Variants in CSNK1E observed in about 807,000 individuals in gnomAD.
The protein encoded by CSNK1E is casein kinase 1 epsilon.
A neutral mutation model predicts 46.1 loss-of-function variants in CSNK1E; 17 were observed. The ratio of observed to expected loss-of-function variants is 0.37; its 90% CI spans 0.25 to 0.55. CSNK1E has a LOEUF of 0.55. CSNK1E is among the 20% of genes least tolerant of loss of function. The probability of loss-of-function intolerance (pLI) is 0.82; values close to 1 mark genes in which losing one functional copy is unlikely to be tolerated. For missense variants in CSNK1E, 386 were observed against 595.4 expected (o/e 0.65, Z 3.66); for synonymous variants, 241 against 242.6 (o/e 0.99, Z 0.06).
Position 38,298,038 on chromosome 22 carries a change from G to C in CSNK1E, c.885+748C>G. 2 of 1,173,648 alleles carry C rather than the reference G, an allele frequency of 1.7e-6. No homozygotes were observed. The highest frequency in any genetic ancestry group is 3.2e-5 in the South Asian group (2 of 62,296). 72.7% of individuals were successfully genotyped at this position (1,173,648 alleles called of 1,614,324 possible). A position where few individuals can be genotyped will look rare whatever the true frequency, so the allele number is the denominator to read the frequency against. ...AAGCACAGCTGAGGCTCAGCCTCTT[G>C]CGCTCACTGGTCAAGTGGCAAATTT... On this transcript the variant is annotated intron_variant, in intron 7 of 10. Transcript: ENST00000396832. This position sits in a 1 kb window ranked among gnomAD's most constrained non-coding sequence, Gnocchi z 4.2.
chr22:38,313,774 C>T (rs549635148), intron 2 of CSNK1E, among the ~76,000 whole-genome samples: 44 of 152,324 alleles, frequency 2.9e-4, no homozygotes, highest in Middle Eastern at 3.4e-3. Flanking sequence ...ATGTGAACCC[C>T]GCCTGGGTTT....
chr22:38,299,510 A>C (rs1294321771), intron 6 of CSNK1E, among the ~76,000 whole-genome samples: 1 of 152,222 alleles, frequency 6.6e-6, no homozygotes, highest in African/African-American at 2.4e-5. Context: ...GCTGTGGGGC[A>C]GCCCAGTGTG....
rs148776215 is a variant in CSNK1E at position 38,300,941 on chromosome 22, G to C, written c.348C>G (p.Ile116Met). 1.9e-6 allele frequency: 3 copies of C among 1,614,050 alleles called. No individual in the cohort carries two copies. Among genetic ancestry groups the C allele is most frequent in the Non-Finnish European group, 2.5e-6 (3 of 1,179,930 alleles). ...LLLADQMISR[I>M]EYIHSKNFIH... is the part of the protein sequence containing the mutation. ...TGAAGTTCTTGGAGTGGATATACTC[G>C]ATGCGGCTGATCTGGGGAGGAGGGG... The change falls in exon 5 of 11, where the codon ATC becomes ATG. Residue 116 changes from isoleucine (I) to methionine (M), a missense_variant. Physicochemically the swap from Ile to Met is conservative, Grantham distance 10. This residue lies in a region of CSNK1E where 212 missense variants were observed against 410.2 expected (regional missense o/e 0.52). Transcript: ENST00000396832. This position sits in a 1 kb window ranked among gnomAD's most constrained non-coding sequence, Gnocchi z 4.4.
At chr22:38,301,017 G>C (rs1162196272) in intron 4 of CSNK1E, 65 bp from the exon 5 acceptor site, 3 of 1,385,750 alleles carry the variant, frequency 2.2e-6, no homozygotes, top group Non-Finnish European at 3.1e-6. Flanking sequence ...GGCCAGGCAG[G>C]GGCTGGGGCC....
At position 38,296,593 on chromosome 22, in the gene CSNK1E, C is replaced by A. The variant is rs182631203; in HGVS notation, c.886-2059G>T. 3 of 1,612,832 alleles carry A rather than the reference C, an allele frequency of 1.9e-6. No individual in the cohort carries two copies. The African/African-American group carries it at 4.0e-5, about 21-fold the overall frequency. ...TTGGCAAAGGATAAGGCTGTGGGTG[C>A]CTCTGCCCAGCTTCTAACTCCAGGG... On this transcript the variant is annotated intron_variant, in intron 7 of 10. Transcript: ENST00000396832.
At chr22:38,293,411 G>C (rs1266728212) in intron 9 of CSNK1E, 92 bp from the exon 10 acceptor site, 1 of 808,394 alleles carries the variant, frequency 1.2e-6, no homozygotes, top group African/African-American at 1.7e-5. Context: ...ATAGAGATTT[G>C]GCAAGTCTCT....
intron 10 of CSNK1E, chr22:38,292,362 T>C (rs1286540691): frequency 6.6e-6 from 1 of 152,142 alleles, no homozygotes; most frequent in Non-Finnish European, 1.5e-5. Context: ...CCCAGCACGC[T>C]AGGAGATCCA....
At chr22:38,313,815 C>T (rs1283752858) in intron 2 of CSNK1E, among the ~76,000 whole-genome samples, 2 of 152,190 alleles carry the variant, frequency 1.3e-5, no homozygotes, top group African/African-American at 2.4e-5. Context: ...CCAGCTGACC[C>T]GGGACACTGA....
Position 38,300,664 on chromosome 22 carries a change from G to C in CSNK1E, c.565+60C>G. 1 of 1,532,790 alleles carries C rather than the reference G, an allele frequency of 6.5e-7. No individual in the cohort carries two copies. The highest frequency in any genetic ancestry group is 9.0e-7 in the Non-Finnish European group (1 of 1,113,748). 94.9% of individuals were successfully genotyped at this position (1,532,790 alleles called of 1,614,324 possible). ...CAGGGTAGGGGGTGAGAGGGCTCCA[G>C]AGAGCTGGGCCCCAGCCAGTGGCCC... On this transcript the variant is annotated intron_variant, in intron 5 of 10. Coordinates refer to ENST00000396832, the MANE Select transcript of CSNK1E (RefSeq NM_152221.3). The surrounding 1 kb of genome is among the most constrained non-coding windows in gnomAD (Gnocchi z 4.4).
chr22:38,305,868 C>A (rs995987406), intron 2 of CSNK1E, among the ~76,000 whole-genome samples: 1 of 152,206 alleles, frequency 6.6e-6, no homozygotes, highest in East Asian at 1.9e-4. Context: ...GGGGATTTGA[C>A]GCTACTCAGC....
At chr22:38,297,557 T>C in intron 7 of CSNK1E, 1 of 1,007,386 alleles carries the variant, frequency 9.9e-7, no homozygotes, top group Non-Finnish European at 1.2e-6. Flanking sequence ...CCTAACCATC[T>C]AGCAGGGTGG....
chr22:38,313,437 C>T (rs928098088), intron 2 of CSNK1E, among the ~76,000 whole-genome samples: 4 of 152,256 alleles, frequency 2.6e-5, no homozygotes, highest in African/African-American at 9.6e-5. Flanking sequence ...AGAAGTGGCA[C>T]TGAAAGGCGC....
chr22:38,316,084 T>C (rs889640993), intron 1 of CSNK1E, among the ~76,000 whole-genome samples: 2 of 151,060 alleles, frequency 1.3e-5, no homozygotes, highest in Non-Finnish European at 2.9e-5. Flanking sequence ...TTCAGTTCTT[T>C]TGCTGCTTCT....
rs957667794 is a variant in CSNK1E at position 38,294,184 on chromosome 22, G to C, written c.1143C>G (p.His381Gln). 2 of 1,612,550 alleles carry C rather than the reference G, an allele frequency of 1.2e-6. No individual in the cohort carries two copies. The highest frequency in any genetic ancestry group is 1.6e-4 in the Middle Eastern group (1 of 6,074). The stretch of plus-strand genomic sequence containing the variant: ...AGGAGACGTTGGCGGGCGCACCCCT[G>C]TGCAGCCTCATACTCACCTTCCTCT... ...DRERKVSMRL[H>Q]RGAPANVSSS... The change falls in exon 9 of 11, where the codon CAC (histidine) becomes CAG (glutamine). Residue 381 changes from histidine to glutamine, a missense_variant. This residue lies in a region of CSNK1E where 174 missense variants were observed against 185.2 expected (regional missense o/e 0.94). Coordinates refer to ENST00000396832, the MANE Select transcript of CSNK1E (RefSeq NM_152221.3). This position sits in a 1 kb window ranked among gnomAD's most constrained non-coding sequence, Gnocchi z 5.5.
chr22:38,299,840 C>T (rs1410901833), intron 6 of CSNK1E, 55 bp downstream of exon 6: 1 of 1,591,740 alleles, frequency 6.3e-7, no homozygotes, highest in Non-Finnish European at 8.6e-7. Context: ...TCACCTTTCC[C>T]TTAGACAGTG....
chr22:38,299,936 T>G lies in CSNK1E; in HGVS notation c.695A>C (p.Lys232Thr). 1.2e-6 allele frequency: 2 copies of G among 1,614,202 alleles called. No individual in the cohort carries two copies. Among genetic ancestry groups the G allele is most frequent in the African/African-American group, 2.7e-5 (2 of 75,070 alleles). ...GAGGACCTCGATGGGCGTTGACATC[T>G]TCTTCTCGCTGATCCGTTCATACTT... is the stretch of plus-strand genomic sequence containing the variant. ...RQKYERISEK[K>T]MSTPIEVLCK... is the part of the protein sequence containing the mutation. Residue 232 changes from lysine to threonine, a missense_variant, in exon 6 of 11, where the codon AAG becomes ACG. Lys to Thr is a moderately conservative substitution (Grantham distance 78, BLOSUM62 -1). This residue lies in a region of CSNK1E where 212 missense variants were observed against 410.2 expected (regional missense o/e 0.52). Coordinates refer to ENST00000396832, the MANE Select transcript of CSNK1E (RefSeq NM_152221.3).
chr22:38,299,294 C>G (rs748739653), intron 6 of CSNK1E, among the ~76,000 whole-genome samples: 1 of 152,232 alleles, frequency 6.6e-6, no homozygotes. Context: ...ACTGCAAGAG[C>G]CTGACGGGAC....
chr22:38,315,846 C>T (rs889702291), intron 1 of CSNK1E, among the ~76,000 whole-genome samples: 1 of 152,062 alleles, frequency 6.6e-6, no homozygotes, highest in Non-Finnish European at 1.5e-5. Flanking sequence ...CTGCACATGA[C>T]CCCCCAGTCT....
rs1440983566 is a variant in CSNK1E, at chr22:38,298,300, CT to C, written c.885+485del. ...TGCTGCTCCCCACCCAACCCCACCC[CT>C]GGGACTCTTAAAAGAGGGAAACAGA... On this transcript the variant is annotated intron_variant, in intron 7 of 10. Transcript: ENST00000396832. This position sits in a 1 kb window ranked among gnomAD's most constrained non-coding sequence, Gnocchi z 4.2. 9.7e-6 allele frequency: 9 copies of C among 928,158 alleles called. No individual in the cohort carries two copies. Among genetic ancestry groups the C allele is most frequent in the Non-Finnish European group, 1.3e-5 (9 of 671,122 alleles). 57.5% of individuals were successfully genotyped at this position (928,158 alleles called of 1,614,324 possible).
Sources: allele counts gnomAD v4.1 joint callset (sites outside exome capture counted in the v4.1 genomes callset), GRCh38; gene constraint gnomAD v4.1.1; regional missense constraint gnomAD v4.1.1; non-coding constraint Gnocchi (gnomAD v3.1); transcripts MANE v1.5; gene names NCBI Gene and HGNC (gene_info 2026-07-23, HGNC 2026-07-21).